Variants in EPB41L3 observed in about 807,000 individuals in gnomAD.
The protein encoded by EPB41L3 is erythrocyte membrane protein band 4.1 like 3.
In EPB41L3, 57 loss-of-function variants were observed where a neutral mutation model predicts 127.1. The ratio of observed to expected loss-of-function variants is 0.45; its 90% CI spans 0.36 to 0.56. EPB41L3 has a LOEUF of 0.56. EPB41L3 is among the 20% of genes least tolerant of loss of function. The probability of loss-of-function intolerance (pLI) is 0.00; values close to 1 mark genes in which losing one functional copy is unlikely to be tolerated. For synonymous variants in EPB41L3, 572 were observed against 549.5 expected (o/e 1.04, Z -0.57); for missense variants, 1,273 against 1,372.2 (o/e 0.93, Z 1.14).
At chr18:5,617,449 G>T (rs1233986718) in intron 1 of EPB41L3, among the ~76,000 whole-genome samples, 2 of 151,954 alleles carry the variant, frequency 1.3e-5, no homozygotes, top group African/African-American at 4.8e-5. Context: ...CTCCCAAGCA[G>T]CTGGGACCAC....
At chr18:5,512,515 G>A (rs146974882) in intron 1 of EPB41L3, among the ~76,000 whole-genome samples, 1 of 152,296 alleles carries the variant, frequency 6.6e-6, no homozygotes, top group Non-Finnish European at 1.5e-5. Flanking sequence ...TGGAGAACGA[G>A]TTCAAGATTT....
chr18:5,395,315 T>G (rs998282604), intron 20 of EPB41L3, among the ~76,000 whole-genome samples, 168 bp from the exon 21 acceptor site: 2 of 152,214 alleles, frequency 1.3e-5, no homozygotes, highest in East Asian at 1.9e-4. Context: ...GAGGACGGAA[T>G]GGAGGCCCTT....
intron 13 of EPB41L3, 106 bp downstream of exon 13, chr18:5,415,712 A>T: frequency 8.3e-7 from 1 of 1,200,162 alleles, no homozygotes; most frequent in Non-Finnish European, 1.2e-6. Flanking sequence ...ACAGACAATA[A>T]ATGAGGCTCT....
At chr18:5,518,208 C>T (rs2092829290) in intron 1 of EPB41L3, among the ~76,000 whole-genome samples, 1 of 152,130 alleles carries the variant, frequency 6.6e-6, no homozygotes. Context: ...CCACCCATGG[C>T]CCCGTTTCTT....
At chr18:5,439,375 T>C (rs914299693) in intron 5 of EPB41L3, among the ~76,000 whole-genome samples, 4 of 152,184 alleles carry the variant, frequency 2.6e-5, no homozygotes, top group Non-Finnish European at 5.9e-5. Context: ...TTCCCAAACA[T>C]TCAGAAGAAG....
rs968068471 is a variant in EPB41L3 at position 5,446,440 on chromosome 18, G to A, written c.382-1196C>T. On this transcript the variant is annotated intron_variant, in intron 3 of 22. Coordinates refer to ENST00000341928, the MANE Select transcript of EPB41L3 (RefSeq NM_012307.5). ...TAAACATAGTCATGAAGTCTGTGAC[G>A]AATTAACTGACAACAAATAAACTAA... is the stretch of plus-strand genomic sequence containing the variant. Among the ~76,000 whole-genome samples the A allele has an allele frequency of 9.9e-5, 15 of 152,154 alleles. 1 individual carries two copies. Among genetic ancestry groups the A allele is most frequent in the Admixed American group, 9.8e-4 (15 of 15,280 alleles).
At chr18:5,621,953 G>A (rs1416444095) in intron 1 of EPB41L3, among the ~76,000 whole-genome samples, 1 of 152,082 alleles carries the variant, frequency 6.6e-6, no homozygotes, top group Admixed American at 6.6e-5. Flanking sequence ...CAGATACAGA[G>A]GAGGTAGATC....
At chr18:5,628,497 C>T (rs2094948976) in intron 1 of EPB41L3, among the ~76,000 whole-genome samples, 1 of 152,224 alleles carries the variant, frequency 6.6e-6, no homozygotes, top group Admixed American at 6.5e-5. Context: ...CTCCGGGATC[C>T]TTGGCGCTCA....
intron 1 of EPB41L3, among the ~76,000 whole-genome samples, chr18:5,517,338 C>A (rs1018497779): frequency 2.0e-5 from 3 of 152,084 alleles, no homozygotes. Context: ...GAAACAATGT[C>A]AAGTTTTCTG....
rs996714974 is a variant in EPB41L3 at position 5,543,760 on chromosome 18, C to T, written c.-12+153G>A. On this transcript the variant is annotated intron_variant, in intron 1 of 22. Transcript: ENST00000341928. The surrounding 1 kb of genome is among the most constrained non-coding windows in gnomAD (Gnocchi z 5.2). ...TTGGGGACCCCGGCCGCGCCGGGCG[C>T]GGGGCTCGGGATTCGGGAGACCGCG... 2.0e-5 allele frequency among the ~76,000 whole-genome samples: 3 copies of T among 148,818 alleles called. No homozygotes were observed. The highest frequency in any genetic ancestry group is 7.4e-5 in the African/African-American group (3 of 40,716).
intron 1 of EPB41L3, among the ~76,000 whole-genome samples, chr18:5,539,388 T>C (rs2093662461): frequency 6.6e-6 from 1 of 152,202 alleles, no homozygotes; most frequent in Non-Finnish European, 1.5e-5. Flanking sequence ...TTGGTGCTAA[T>C]AGAAGCTTAC....
intron 3 of EPB41L3, among the ~76,000 whole-genome samples, chr18:5,553,210 T>G (rs150989767): frequency 6.6e-6 from 1 of 152,190 alleles, no homozygotes; most frequent in African/African-American, 2.4e-5. Flanking sequence ...AAATTATAAT[T>G]ATTATTGTTA....
chr18:5,412,868 T>TA (rs769861828), intron 13 of EPB41L3, among the ~76,000 whole-genome samples: 3,758 of 120,900 alleles, frequency 0.031, 46 homozygotes, highest in Middle Eastern at 0.083. Context: ...CACTCAGAGC[T>TA]AAAAAAAAAA....
intron 3 of EPB41L3, among the ~76,000 whole-genome samples, chr18:5,579,591 C>T (rs1015154628): frequency 4.6e-5 from 7 of 152,198 alleles, no homozygotes; most frequent in African/African-American, 1.7e-4. Context: ...GGCTCCAAAG[C>T]CCAAGCTCTT....
intron 3 of EPB41L3, among the ~76,000 whole-genome samples, chr18:5,474,971 G>A (rs1392129841): frequency 6.6e-6 from 1 of 152,176 alleles, no homozygotes. Context: ...CTTACAATCT[G>A]ACTTCCTATA....
rs1415554194 is a variant in EPB41L3 at position 5,488,888 on chromosome 18, G to C, written c.183+113C>G. The C allele has an allele frequency of 1.5e-5, 17 of 1,164,070 alleles. No individual in the cohort carries two copies. The East Asian group carries it at 4.5e-4, about 31-fold the overall frequency. The allele number at this position is 1,164,070 out of a possible 1,614,324, so 72.1% of individuals were successfully genotyped here. A position where few individuals can be genotyped will look rare whatever the true frequency, so the allele number is the denominator to read the frequency against. ...TTTTCATCTGCCTGGGGCTAGAAGG[G>C]GAACAGCAGATGACCCCTCATAGCT... On this transcript the variant is annotated intron_variant, in intron 2 of 22. Transcript: ENST00000341928.
intron 22 of EPB41L3, 66 bp from the exon 23 acceptor site, chr18:5,393,544 A>G: frequency 1.4e-6 from 1 of 693,830 alleles, no homozygotes; most frequent in South Asian, 1.5e-5. Context: ...CAGATCAAGG[A>G]CACAAAAAAA....
At chr18:5,431,830 T>C (rs1428966153) in intron 8 of EPB41L3, among the ~76,000 whole-genome samples, 2 of 152,200 alleles carry the variant, frequency 1.3e-5, no homozygotes, top group Non-Finnish European at 2.9e-5. Context: ...CTTATTTTCA[T>C]TTTGAAATTC....
Position 5,395,525 on chromosome 18 carries a change from G to T in EPB41L3, c.3072+84C>A, listed in dbSNP as rs2073247488. On this transcript the variant is annotated intron_variant, in intron 20 of 22. Transcript: ENST00000341928. ...CTTCAAGCCACCTTGTGCTTGTGCA[G>T]CCCAACCTGTGAGGAGTTCTGAACA... The T allele has an allele frequency of 4.5e-6, 6 of 1,331,680 alleles. No homozygotes were observed. The Admixed American group carries it at 8.6e-5, about 19-fold the overall frequency. 82.5% of individuals were successfully genotyped at this position (1,331,680 alleles called of 1,614,324 possible). A position where few individuals can be genotyped will look rare whatever the true frequency, so the allele number is the denominator to read the frequency against.
Sources: allele counts gnomAD v4.1 joint callset (sites outside exome capture counted in the v4.1 genomes callset), GRCh38; gene constraint gnomAD v4.1.1; non-coding constraint Gnocchi (gnomAD v3.1); transcripts MANE v1.5; gene names NCBI Gene and HGNC (gene_info 2026-07-23, HGNC 2026-07-21).